The following ARHGEF40 variants were observed in gnomAD, a reference collection of about 807,000 sequenced individuals.
ARHGEF40 encodes the protein Rho guanine nucleotide exchange factor 40, also known as Rho guanine nucleotide exchange factor (GEF) 40.
ARHGEF40 carries 98 observed loss-of-function variants against 165.9 expected under a neutral mutation model. The observed-to-expected ratio is 0.59, with a 90% CI of 0.50 to 0.70. ARHGEF40 has a LOEUF of 0.70. Ranked by LOEUF, ARHGEF40 falls within the 30% of genes least tolerant of loss-of-function variation. The probability of loss-of-function intolerance (pLI) is 0.00; values close to 1 mark genes in which losing one functional copy is unlikely to be tolerated. For synonymous variants in ARHGEF40, 792 were observed against 814.3 expected, an observed-to-expected ratio of 0.97 and a Z score of 0.47; for missense variants, 1,815 against 1,968.0, an observed-to-expected ratio of 0.92 and a Z score of 1.47.
rs1178209529 is a variant in ARHGEF40, at chr14:21,074,482, C to T, written c.752C>T (p.Pro251Leu). Residue 251 changes from proline (P) to leucine (L), a missense_variant, in exon 3 of 24, where the codon CCC (proline) becomes CTC (leucine). Coordinates refer to ENST00000298694, the MANE Select transcript of ARHGEF40 (RefSeq NM_018071.5). This position sits in a 1 kb window ranked among gnomAD's most constrained non-coding sequence, Gnocchi z 4.8. ...EYVELLEVTL[P>L]VRGSPTDAEG... is the part of the protein sequence containing the mutation. The stretch of plus-strand genomic sequence containing the variant: ...GTGGAGCTGTTAGAGGTGACGCTGC[C>T]CGTGAGGGGGAGCCCAACAGATGCT... 6.4e-7 allele frequency: 1 copy of T among 1,564,586 alleles called. No individual in the cohort carries two copies. Among genetic ancestry groups the T allele is most frequent in the Non-Finnish European group, 8.7e-7 (1 of 1,154,750 alleles).
In ARHGEF40 at chr14:21,081,648, T is replaced by A. The variant is rs1323229779; in HGVS notation, c.2780T>A (p.Leu927Gln). ...GTFQEMRALA[L>Q]DLGSPAALRE... ...TTCCAGGAGATGCGGGCCCTGGCCC[T>A]GGACCTGGGCAGCCCAGCAGCCCTG... Residue 927 changes from leucine to glutamine, a missense_variant, in exon 14 of 24, where the codon CTG (leucine) becomes CAG (glutamine). By Grantham distance (113) the Leu-to-Gln change is moderately radical (BLOSUM62 -2). Transcript: ENST00000298694. 6.2e-7 allele frequency: 1 copy of A among 1,607,916 alleles called. No homozygotes were observed. Among genetic ancestry groups the A allele is most frequent in the Admixed American group, 1.7e-5 (1 of 59,236 alleles).
chr14:21,084,879 C>A lies in ARHGEF40; in HGVS notation c.3916C>A (p.Pro1306Thr). ...HLLLFSKLKG[P>T]EGGSEMFVYK... is the part of the protein sequence containing the mutation. ...CCTCCTGTTCAGCAAGCTCAAGGGC[C>A]CTGAAGGGGGGTCAGAGATGTTTGT... The change falls in exon 18 of 24, where the codon CCT (proline) becomes ACT (threonine). Residue 1306 changes from proline (P) to threonine (T), a missense_variant. Transcript: ENST00000298694. 1 of 1,614,102 alleles carries A rather than the reference C, an allele frequency of 6.2e-7. No homozygotes were observed. Among genetic ancestry groups the A allele is most frequent in the African/African-American group, 1.3e-5 (1 of 75,044 alleles).
At chr14:21,080,054 A>G (rs1269096158) in intron 11 of ARHGEF40, among the ~76,000 whole-genome samples, 2 of 152,170 alleles carry the variant, frequency 1.3e-5, no homozygotes, top group Non-Finnish European at 2.9e-5. Context: ...GCTATTAGGA[A>G]CAGTCTCAGA....
Position 21,083,852 on chromosome 14 carries a change from C to T in ARHGEF40, c.3591C>T (p.Gly1197=). ...SPLSKGSMEA[G]PYLPRALQQP... is the part of the protein sequence containing the mutation. ...CAACCTAGGGCTCCATGGAGGCTGG[C>T]CCTTACCTGCCCCGAGCCCTGCAGC... The change falls in exon 17 of 24, where the codon GGC becomes GGT. Residue 1197 remains glycine (G), a synonymous_variant. Coordinates refer to ENST00000298694, the MANE Select transcript of ARHGEF40 (RefSeq NM_018071.5). 1 of 1,613,734 alleles carries T rather than the reference C, an allele frequency of 6.2e-7. No homozygotes were observed.
At chr14:21,065,294 C>T (rs980992115), upstream of ARHGEF40, among the ~76,000 whole-genome samples, 1 of 152,072 alleles carries the variant, frequency 6.6e-6, no homozygotes, top group Admixed American at 6.5e-5. Flanking sequence ...TCCAGGAAGA[C>T]AGGAAAGCAG....
chr14:21,087,224 G>A, intron 20 of ARHGEF40, 96 bp from the exon 21 acceptor site: 1 of 1,577,124 alleles, frequency 6.3e-7, no homozygotes, highest in Non-Finnish European at 8.6e-7. Context: ...CAGTGGGACT[G>A]GCTGGGAGGC....
At position 21,078,507 on chromosome 14, in the gene ARHGEF40, C is replaced by G; in HGVS notation, c.2246+19C>G. On this transcript the variant is annotated intron_variant, in intron 10 of 23. Transcript: ENST00000298694. ...GCAGCAAGTACGAAGTATGGGTGTGCGGAGGCAGGTGGAAGTGGGAGGTGG... is the reference window on the plus strand; with the variant it reads ...GCAGCAAGTACGAAGTATGGGTGTGGGGAGGCAGGTGGAAGTGGGAGGTGG... 1 of 1,540,318 alleles carries G rather than the reference C, an allele frequency of 6.5e-7. No individual in the cohort carries two copies.
intron 22 of ARHGEF40, 32 bp from the exon 23 acceptor site, chr14:21,088,798 C>T (rs1888595500): frequency 6.6e-7 from 1 of 1,524,204 alleles, no homozygotes; most frequent in Middle Eastern, 1.7e-4. Flanking sequence ...AGAAATATGT[C>T]CCTAAATTCA....
chr14:21,081,433 T>TGTCACTGGGCATCCTTCGTGA (rs1453211682), intron 13 of ARHGEF40, 76 bp from the exon 14 acceptor site: 2 of 1,559,176 alleles, frequency 1.3e-6, no homozygotes, highest in African/African-American at 2.7e-5. Context: ...GGACAAGGGC[T>TGTCACTGGGCATCCTTCGTGA]GTCACTGGGC....
chr14:21,086,907 GAA>G (rs768361533), intron 19 of ARHGEF40, 92 bp from the exon 20 acceptor site: 6,975 of 696,950 alleles, frequency 0.01, 1 homozygote, highest in South Asian at 0.013. Context: ...GGGAAGGAAC[GAA>G]AAAAAAAAAA....
chr14:21,061,447 T>TCATG, the ARHGEF40 span, among the ~76,000 whole-genome samples: 2 of 151,470 alleles, frequency 1.3e-5, no homozygotes, highest in Non-Finnish European at 2.9e-5. Context: ...AATCTAGGGG[T>TCATG]CATGGGCTGT....
Position 21,075,372 on chromosome 14 carries a change from A to G in ARHGEF40, c.1491A>G (p.Thr497=), listed in dbSNP as rs1594555405. ...AAGGCCCCCTGTCTGACACTCCAAC[A>G]CCTCCGCTGGAGACTGTGCAGGAAG... ...GPEGPLSDTP[T]PPLETVQEGK... The change falls in exon 4 of 24, where the codon ACA becomes ACG. Residue 497 remains threonine (T), a synonymous_variant. Coordinates refer to ENST00000298694, the MANE Select transcript of ARHGEF40 (RefSeq NM_018071.5). This position sits in a 1 kb window ranked among gnomAD's most constrained non-coding sequence, Gnocchi z 4.5. 1.2e-6 allele frequency: 2 copies of G among 1,613,922 alleles called. No individual in the cohort carries two copies. Among genetic ancestry groups the G allele is most frequent in the East Asian group, 4.5e-5 (2 of 44,874 alleles).
rs1230049317 is a variant in ARHGEF40, at chr14:21,078,242, G to A, written c.2100G>A (p.Glu700=). 6.2e-7 allele frequency: 1 copy of A among 1,614,106 alleles called. No individual in the cohort carries two copies. Among genetic ancestry groups the A allele is most frequent in the Middle Eastern group, 1.6e-4 (1 of 6,062 alleles). Residue 700 remains glutamate (E), a synonymous_variant, in exon 9 of 24, where the codon GAG becomes GAA. Coordinates refer to ENST00000298694, the MANE Select transcript of ARHGEF40 (RefSeq NM_018071.5). ...VLGSVRQAIE[E]LEGAAEPEEE... is the part of the protein sequence containing the mutation. ...GCTCGGTACGGCAGGCCATTGAGGA[G>A]CTGGAGGGAGCAGCAGAGCCAGAGG... is the stretch of plus-strand genomic sequence containing the variant.
upstream of ARHGEF40, among the ~76,000 whole-genome samples, chr14:21,067,466 G>A (rs1886329881): frequency 6.6e-6 from 1 of 152,128 alleles, no homozygotes; most frequent in South Asian, 2.1e-4. Context: ...CTTACTGGTT[G>A]CGACTGAAGC....
upstream of ARHGEF40, chr14:21,070,291 C>A: frequency 8.2e-7 from 1 of 1,217,532 alleles, no homozygotes; most frequent in Non-Finnish European, 1.0e-6. The surrounding 1 kb of genome is among the most constrained non-coding windows in gnomAD (Gnocchi z 4.7). Context: ...GCGGCCGGAG[C>A]TGTCCCTTAG....
chr14:21,079,883 C>A (rs1265748847), intron 11 of ARHGEF40, among the ~76,000 whole-genome samples: 1 of 152,270 alleles, frequency 6.6e-6, no homozygotes, highest in African/African-American at 2.4e-5. Context: ...AGCTTGAGTT[C>A]TAGTTCTGCC....
upstream of ARHGEF40, among the ~76,000 whole-genome samples, chr14:21,066,380 C>T (rs7156204): frequency 0.9 from 135,310 of 149,938 alleles, 61,149 homozygotes; most frequent in Admixed American, 0.93. Context: ...AGTGCAGTGG[C>T]ACGATCTCGG....
In ARHGEF40 at chr14:21,073,813, G is replaced by C; in HGVS notation, c.202-119G>C. On this transcript the variant is annotated intron_variant, in intron 2 of 23. Transcript: ENST00000298694. This position sits in a 1 kb window ranked among gnomAD's most constrained non-coding sequence, Gnocchi z 4.6. ...CCCAAATCTCCCCTCCTGCTCTCCT[G>C]AGAGTATAACCTTCCAGGCATAAGG... 8.3e-7 allele frequency: 1 copy of C among 1,206,204 alleles called. No homozygotes were observed. The allele number at this position is 1,206,204 out of a possible 1,614,324, so 74.7% of individuals were successfully genotyped here. A position where few individuals can be genotyped will look rare whatever the true frequency, so the allele number is the denominator to read the frequency against.
Position 21,087,337 on chromosome 14 carries a change from T to TCCGTGG in ARHGEF40, c.4267_4272dup (p.Ala1423_Val1424dup). ...CTCTGCAGCCGCCCGCACCCGGGCC[T>TCCGTGG]CCGTGGCCGTGTCATCCTTTGAGCA... is the stretch of plus-strand genomic sequence containing the variant. On this transcript the variant is annotated inframe_insertion, in exon 21 of 24. Coordinates refer to ENST00000298694, the MANE Select transcript of ARHGEF40 (RefSeq NM_018071.5). The TCCGTGG allele has an allele frequency of 2.5e-6, 4 of 1,605,560 alleles. No homozygotes were observed. Among genetic ancestry groups the TCCGTGG allele is most frequent in the Non-Finnish European group, 3.4e-6 (4 of 1,178,934 alleles).
Sources: gnomAD v4.1 joint callset for allele counts (sites outside exome capture counted in the v4.1 genomes callset) on GRCh38, gnomAD v4.1.1 for gene constraint, Gnocchi (gnomAD v3.1) non-coding constraint, MANE v1.5 for transcripts, NCBI Gene and HGNC (gene_info 2026-07-23, HGNC 2026-07-21) for gene names.